NDST4: variants seen among roughly 807,000 people sequenced by gnomAD.
The protein encoded by NDST4 is N-deacetylase and N-sulfotransferase 4.
In NDST4, 63 loss-of-function variants were observed where a neutral mutation model predicts 100.8. The ratio of observed to expected loss-of-function variants is 0.62; its 90% confidence interval spans 0.51 to 0.77. The LOEUF (loss-of-function observed/expected upper bound fraction) is 0.77. Ranked by LOEUF, NDST4 falls within the 30% of genes least tolerant of loss-of-function variation. The pLI, the probability that NDST4 is intolerant of heterozygous loss-of-function variation, is 0.00. For synonymous variants in NDST4, 377 were observed against 361.8 expected (o/e 1.04, Z -0.48); for missense variants, 943 against 1,018.4 (o/e 0.93, Z 1.01).
intron 6 of NDST4, among the ~76,000 whole-genome samples, chr4:114,924,359 G>A (rs916964476): frequency 2.0e-5 from 3 of 151,574 alleles, no homozygotes; most frequent in African/African-American, 7.3e-5. Flanking sequence ...AATCTCTGCT[G>A]TGAGTGTGAA....
At chr4:114,931,296 C>T in intron 6 of NDST4, among the ~76,000 whole-genome samples, 1 of 151,458 alleles carries the variant, frequency 6.6e-6, no homozygotes, top group East Asian at 1.9e-4. Context: ...TTTAGAGGTG[C>T]AGTCTAAATT....
chr4:114,892,958 A>G (rs1262485815), intron 6 of NDST4, among the ~76,000 whole-genome samples: 1 of 151,702 alleles, frequency 6.6e-6, no homozygotes, highest in Admixed American at 6.6e-5. Flanking sequence ...CGTGTTCTCA[A>G]TATTTGACTC....
At chr4:114,897,521 T>A (rs1724741738) in intron 6 of NDST4, among the ~76,000 whole-genome samples, 1 of 152,234 alleles carries the variant, frequency 6.6e-6, no homozygotes, top group South Asian at 2.1e-4. Flanking sequence ...CAATTGTGAA[T>A]AAAGCTACTG....
At chr4:114,911,894 G>A (rs1560808606) in intron 6 of NDST4, among the ~76,000 whole-genome samples, 1 of 152,062 alleles carries the variant, frequency 6.6e-6, no homozygotes, top group Non-Finnish European at 1.5e-5. Flanking sequence ...TACCTAGTTT[G>A]AGAAAGGGTT....
At chr4:115,105,850 A>T (rs1038266825) in intron 1 of NDST4, among the ~76,000 whole-genome samples, 1 of 152,154 alleles carries the variant, frequency 6.6e-6, no homozygotes, top group African/African-American at 2.4e-5. Context: ...TGCATAAAAA[A>T]GTATCTAATA....
intron 2 of NDST4, among the ~76,000 whole-genome samples, chr4:115,075,088 T>C (rs1030398954): frequency 1.3e-5 from 2 of 152,150 alleles, no homozygotes; most frequent in Non-Finnish European, 2.9e-5. Flanking sequence ...TGTTATTCAG[T>C]CAATTGATCA....
intron 6 of NDST4, among the ~76,000 whole-genome samples, chr4:114,929,677 A>C (rs1725472271): frequency 6.6e-6 from 1 of 152,230 alleles, no homozygotes. Flanking sequence ...GAGATTTATA[A>C]GACTTACTAT....
At chr4:114,958,331 C>G (rs911938781) in intron 4 of NDST4, among the ~76,000 whole-genome samples, 1 of 147,864 alleles carries the variant, frequency 6.8e-6, no homozygotes, top group African/African-American at 2.7e-5. Flanking sequence ...CCACCAGTCT[C>G]TTTGTAAAAC....
intron 8 of NDST4, among the ~76,000 whole-genome samples, chr4:114,848,967 C>T (rs112359243): frequency 3.9e-5 from 6 of 152,248 alleles, no homozygotes; most frequent in African/African-American, 1.4e-4. Context: ...GTGATTTAGA[C>T]TTGGGAAATC....
In NDST4 at chr4:115,093,167, G is replaced by T. The variant is rs193007819; in HGVS notation, c.-246-15885C>A. Among the ~76,000 whole-genome samples the T allele has an allele frequency of 5.5e-4, 84 of 152,182 alleles. 1 individual carries two copies. The East Asian group carries it at 0.015, about 27-fold the overall frequency. On this transcript the variant is annotated intron_variant, in intron 1 of 13. Coordinates refer to ENST00000264363, the MANE Select transcript of NDST4 (RefSeq NM_022569.3). ...AGTAAGAATTCATACCATTTCTCAAGAATAATTTTATAATAAATTGGATAG... is the reference window on the plus strand; with the variant it reads ...AGTAAGAATTCATACCATTTCTCAATAATAATTTTATAATAAATTGGATAG...
Position 114,845,837 on chromosome 4 carries a change from A to G in NDST4, c.2101T>C (p.Tyr701His), listed in dbSNP as rs1723536263. ...ACTGACCATACCTGGTACCAAGAGT[A>G]TGCCCTGTCTGAGGGGTCAATGAGG... ...TILIDPSDRA[Y>H]SWYQHQRSHE... The change falls in exon 10 of 14, where the codon TAC (tyrosine) becomes CAC (histidine). Residue 701 changes from tyrosine to histidine, a missense_variant. Coordinates refer to ENST00000264363, the MANE Select transcript of NDST4 (RefSeq NM_022569.3). The G allele has an allele frequency of 1.9e-6, 3 of 1,613,784 alleles. 1 individual carries two copies. Among genetic ancestry groups the G allele is most frequent in the Middle Eastern group, 3.3e-4 (2 of 6,062 alleles).
chr4:115,022,408 T>C (rs1727866387), intron 2 of NDST4, among the ~76,000 whole-genome samples: 1 of 140,166 alleles, frequency 7.1e-6, no homozygotes, highest in African/African-American at 2.6e-5. Flanking sequence ...GTGTTCCATA[T>C]ATATGTGTTC....
chr4:115,029,415 A>T (rs192412876), intron 2 of NDST4, among the ~76,000 whole-genome samples: 59 of 152,198 alleles, frequency 3.9e-4, no homozygotes, highest in African/African-American at 1.2e-3. Context: ...ATTTTAGGGA[A>T]TAGATTTATG....
chr4:115,096,773 C>T (rs984164736), intron 1 of NDST4, among the ~76,000 whole-genome samples: 8 of 152,064 alleles, frequency 5.3e-5, no homozygotes, highest in Admixed American at 1.3e-4. Flanking sequence ...CACAATCTAT[C>T]GCTATATTTT....
chr4:114,876,459 A>G (rs1425700127), intron 6 of NDST4, among the ~76,000 whole-genome samples: 6 of 152,128 alleles, frequency 3.9e-5, no homozygotes, highest in Non-Finnish European at 8.8e-5. Flanking sequence ...TTCTAAAAAT[A>G]GTCTGGAACC....
intron 1 of NDST4, among the ~76,000 whole-genome samples, chr4:115,098,268 T>C (rs1729659977): frequency 6.6e-6 from 1 of 152,172 alleles, no homozygotes; most frequent in South Asian, 2.1e-4. Context: ...AAAAAGGTCT[T>C]ACTCAAATTC....
At chr4:115,039,689 C>T (rs1232530515) in intron 2 of NDST4, among the ~76,000 whole-genome samples, 1 of 152,064 alleles carries the variant, frequency 6.6e-6, no homozygotes, top group African/African-American at 2.4e-5. Context: ...ATGGATCAAT[C>T]TCCAGCTTAT....
chr4:114,999,286 A>T (rs1727231614), intron 2 of NDST4, among the ~76,000 whole-genome samples: 1 of 151,984 alleles, frequency 6.6e-6, no homozygotes, highest in African/African-American at 2.4e-5. Context: ...TCCTTGTAGG[A>T]GCTCTAGATT....
chr4:114,909,170 T>A (rs541759189), intron 6 of NDST4, among the ~76,000 whole-genome samples: 50 of 152,178 alleles, frequency 3.3e-4, no homozygotes, highest in Non-Finnish European at 3.2e-4. Context: ...CCTCCTATTC[T>A]GGAAAATTTT....
Sources: allele counts gnomAD v4.1 joint callset (sites outside exome capture counted in the v4.1 genomes callset), GRCh38; gene constraint gnomAD v4.1.1; transcripts MANE v1.5; gene names NCBI Gene and HGNC (gene_info 2026-07-23, HGNC 2026-07-21).